Variants in KLF8 observed in about 807,000 individuals in gnomAD.
The protein encoded by KLF8 is Krueppel-like factor 8.
In KLF8, 10 loss-of-function variants were observed where a neutral mutation model predicts 18.2. That is an observed-to-expected ratio of 0.55 (90% confidence interval 0.34 to 0.93). KLF8 has a LOEUF of 0.93. KLF8 is among the 40% of genes least tolerant of loss of function. The pLI is 0.02. For missense variants in KLF8, 264 were observed against 277.9 expected (o/e 0.95, Z 0.36); for synonymous variants, 109 against 97.3 (o/e 1.12, Z -0.71).
At chrX:56,076,721 C>A in the KLF8 span, among the ~76,000 whole-genome samples, 2 of 111,839 alleles carry the variant, frequency 1.8e-5, no homozygotes, top group Non-Finnish European at 3.8e-5. Flanking sequence ...GCCACACTGA[C>A]TTCCACAATG....
the KLF8 span, among the ~76,000 whole-genome samples, chrX:56,039,539 T>A: frequency 8.9e-6 from 1 of 111,907 alleles, no homozygotes; most frequent in African/African-American, 3.2e-5. Flanking sequence ...GTCTTATTTC[T>A]GAGTATCTAT....
chrX:56,104,562 T>A, the KLF8 span, among the ~76,000 whole-genome samples: 4 of 111,641 alleles, frequency 3.6e-5, no homozygotes, highest in Non-Finnish European at 7.5e-5. Flanking sequence ...GGTGGTGATA[T>A]TCCCTTTATC....
the KLF8 span, among the ~76,000 whole-genome samples, chrX:56,050,749 T>C: frequency 1.2e-4 from 13 of 112,183 alleles, no homozygotes; most frequent in South Asian, 1.1e-3. Context: ...ATTCTGTTGA[T>C]TTGTGGTGGA....
chrX:55,965,925 C>T, the KLF8 span, among the ~76,000 whole-genome samples: 4 of 111,777 alleles, frequency 3.6e-5, no homozygotes, highest in African/African-American at 3.3e-5. Flanking sequence ...GTTTGTGTCT[C>T]GGGCCTGGCA....
intron 1 of KLF8, among the ~76,000 whole-genome samples, chrX:56,240,215 C>CT (rs1268992817): frequency 8.9e-6 from 1 of 112,140 alleles, no homozygotes; most frequent in African/African-American, 3.2e-5. Context: ...ATTAACCTCA[C>CT]TTTCTGGAGC....
At chrX:56,005,029 GATTATTATTATT>G in the KLF8 span, among the ~76,000 whole-genome samples, 35 of 100,044 alleles carry the variant, frequency 3.5e-4, no homozygotes, top group African/African-American at 1.2e-3. Flanking sequence ...TATCCTTTAT[GATTATTATTATT>G]ATTATTATTA....
the KLF8 span, chrX:55,962,483 T>C: frequency 4.7e-6 from 1 of 214,754 alleles, no homozygotes; most frequent in Non-Finnish European, 8.8e-6. Context: ...CACCAAGTAA[T>C]ATCACTGGTG....
chrX:56,149,780 T>C, the KLF8 span, among the ~76,000 whole-genome samples: 1 of 110,793 alleles, frequency 9.0e-6, no homozygotes, highest in Non-Finnish European at 1.9e-5. Context: ...AATCCAAAGA[T>C]CTGGCAATAG....
the KLF8 span, among the ~76,000 whole-genome samples, chrX:56,022,322 G>A: frequency 2.7e-5 from 3 of 109,746 alleles, no homozygotes; most frequent in East Asian, 2.9e-4. Context: ...TGATGCGGGC[G>A]GATCACGAGG....
the KLF8 span, among the ~76,000 whole-genome samples, chrX:56,176,748 C>T: frequency 4.4e-4 from 49 of 111,707 alleles, no homozygotes; most frequent in East Asian, 9.8e-3. Flanking sequence ...ACCAATCAGA[C>T]GTAGATTTGG....
chrX:55,969,059 A>G, the KLF8 span, among the ~76,000 whole-genome samples: 3 of 111,980 alleles, frequency 2.7e-5, no homozygotes, highest in African/African-American at 9.7e-5. Flanking sequence ...AGATAGAAAA[A>G]TTAACAAAGG....
the KLF8 span, chrX:55,908,567 A>G: frequency 6.7e-6 from 2 of 297,064 alleles, no homozygotes; most frequent in East Asian, 9.5e-5. Flanking sequence ...GTTCACCTCC[A>G]CTCCTTCCCC....
At chrX:55,935,546 A>G in the KLF8 span, among the ~76,000 whole-genome samples, 1 of 112,452 alleles carries the variant, frequency 8.9e-6, no homozygotes, top group Non-Finnish European at 1.9e-5. Context: ...ATATCAAAAA[A>G]CAGAAACAAC....
chrX:55,908,419 G>A, the KLF8 span: 1 of 294,852 alleles, frequency 3.4e-6, no homozygotes, highest in East Asian at 4.8e-5. Flanking sequence ...GTAGTAGATG[G>A]GGTGGAGCCG....
At chrX:56,159,090 G>A in the KLF8 span, among the ~76,000 whole-genome samples, 1 of 111,973 alleles carries the variant, frequency 8.9e-6, no homozygotes, top group African/African-American at 3.2e-5. Flanking sequence ...AGAATTTTTA[G>A]CATGAAGCGT....
At position 56,288,894 on chromosome X, in the gene KLF8, T is replaced by C. The variant is rs767004143; in HGVS notation, c.*4400T>C. ...TGTTGTTTAACCTTGATCACCTGGC[T>C]GAAATAGTTGTTGTCAGGTTTCTCC... On this transcript the variant is annotated 3_prime_UTR_variant, in exon 6 of 6. Transcript: ENST00000468660. 8.9e-6 allele frequency among the ~76,000 whole-genome samples: 1 copy of C among 112,144 alleles called. No individual in the cohort carries two copies. Among genetic ancestry groups the C allele is most frequent in the African/African-American group, 3.2e-5 (1 of 30,904 alleles).
the KLF8 span, among the ~76,000 whole-genome samples, chrX:55,995,463 G>A: frequency 8.9e-6 from 1 of 112,170 alleles, no homozygotes; most frequent in East Asian, 2.8e-4. Flanking sequence ...TTGTATAGAT[G>A]CTTTACAGTC....
chrX:56,028,566 G>A, the KLF8 span, among the ~76,000 whole-genome samples: 137 of 111,551 alleles, frequency 1.2e-3, no homozygotes, highest in Non-Finnish European at 1.9e-3. Context: ...CTGCTGTGGA[G>A]TGTCCTAGCA....
At chrX:56,136,001 T>C in the KLF8 span, among the ~76,000 whole-genome samples, 145 of 111,548 alleles carry the variant, frequency 1.3e-3, no homozygotes, top group Non-Finnish European at 2.2e-3. Flanking sequence ...CCATTCACAA[T>C]TGCTTCAAAG....
Sources: gnomAD v4.1 joint callset for allele counts (sites outside exome capture counted in the v4.1 genomes callset) on GRCh38, gnomAD v4.1.1 for gene constraint, MANE v1.5 for transcripts, NCBI Gene and HGNC (gene_info 2026-07-23, HGNC 2026-07-21) for gene names.